Variants in TAFA2 observed in about 807,000 individuals in gnomAD.
TAFA2 encodes TAFA chemokine like family member 2, also known as chemokine-like protein TAFA-2.
A neutral mutation model predicts 18.8 loss-of-function variants in TAFA2; 7 were observed. The ratio of observed to expected loss-of-function variants is 0.37; its 90% CI spans 0.21 to 0.70. TAFA2 has a LOEUF of 0.70. TAFA2 is among the 30% of genes least tolerant of loss of function. TAFA2 has a pLI of 0.53. For synonymous variants in TAFA2, 60 were observed against 54.2 expected (o/e 1.11, Z -0.47); for missense variants, 122 against 158.1 (o/e 0.77, Z 1.23).
intron 2 of TAFA2, among the ~76,000 whole-genome samples, chr12:61,790,360 T>A (rs1401679457): frequency 6.6e-6 from 1 of 151,844 alleles, no homozygotes; most frequent in Non-Finnish European, 1.5e-5. Context: ...CTGGAAGTCC[T>A]AGCCAGAGTA....
intron 1 of TAFA2, among the ~76,000 whole-genome samples, chr12:62,170,070 C>G (rs959048716): frequency 7.9e-5 from 12 of 151,936 alleles, no homozygotes; most frequent in African/African-American, 2.7e-4. Context: ...CCTTAAAAAC[C>G]ATAAATGCTC....
intron 1 of TAFA2, among the ~76,000 whole-genome samples, chr12:61,888,479 G>A (rs1354453397): frequency 6.6e-6 from 1 of 152,120 alleles, no homozygotes; most frequent in Admixed American, 6.5e-5. Flanking sequence ...ACAAAACACT[G>A]AGACCAGAAG....
intron 1 of TAFA2, among the ~76,000 whole-genome samples, chr12:62,125,472 C>A (rs911447085): frequency 1.3e-5 from 2 of 152,088 alleles, no homozygotes; most frequent in African/African-American, 2.4e-5. Context: ...CTCATCTTAC[C>A]GTCGTGAAGA....
At chr12:61,747,532 G>A (rs1868779826) in intron 4 of TAFA2, among the ~76,000 whole-genome samples, 1 of 149,516 alleles carries the variant, frequency 6.7e-6, no homozygotes, top group African/African-American at 2.5e-5. Context: ...ATACTATGCA[G>A]CCATAAAAAA....
chr12:62,094,016 T>C (rs1396948695), intron 1 of TAFA2, among the ~76,000 whole-genome samples: 2 of 152,014 alleles, frequency 1.3e-5, no homozygotes, highest in Admixed American at 1.3e-4. Flanking sequence ...GGGTGGCTAC[T>C]GTGAAGGGTA....
At chr12:62,177,549 C>T (rs374303158) in intron 1 of TAFA2, among the ~76,000 whole-genome samples, 1 of 152,246 alleles carries the variant, frequency 6.6e-6, no homozygotes, top group East Asian at 1.9e-4. Flanking sequence ...ACACTAATGA[C>T]TTCCAAACCT....
chr12:62,178,091 G>A (rs1189303853), intron 1 of TAFA2, among the ~76,000 whole-genome samples: 1 of 152,072 alleles, frequency 6.6e-6, no homozygotes, highest in Admixed American at 6.6e-5. Flanking sequence ...CTTGAGGCCA[G>A]GAGTTCAAAA....
chr12:62,065,607 ATG>A (rs1360991186), intron 1 of TAFA2, among the ~76,000 whole-genome samples: 2 of 152,014 alleles, frequency 1.3e-5, no homozygotes, highest in Non-Finnish European at 2.9e-5. Flanking sequence ...TATTCTTAGC[ATG>A]TGTTCATATC....
intron 2 of TAFA2, among the ~76,000 whole-genome samples, chr12:61,853,457 C>T (rs11174201): frequency 0.092 from 13,826 of 150,012 alleles, 891 homozygotes; most frequent in East Asian, 0.19. Context: ...TTTTTGATGG[C>T]GGATTAAAAA....
intron 2 of TAFA2, among the ~76,000 whole-genome samples, chr12:61,764,589 C>A (rs1266641104): frequency 2.0e-5 from 3 of 151,970 alleles, no homozygotes; most frequent in African/African-American, 7.2e-5. Context: ...ATGAAGAAAT[C>A]AGACTAGATT....
Position 62,141,069 on chromosome 12 carries a change from C to T in TAFA2, c.-2+50190G>A, listed in dbSNP as rs530898467. Among the ~76,000 whole-genome samples, 3 of 152,292 alleles carry T rather than the reference C, an allele frequency of 2.0e-5. No individual in the cohort carries two copies. The South Asian group carries it at 6.2e-4, about 32-fold the overall frequency. On this transcript the variant is annotated intron_variant, in intron 1 of 4. Coordinates refer to ENST00000416284, the MANE Select transcript of TAFA2 (RefSeq NM_178539.5). Reference sequence around the variant, plus strand: ...GTTCTAAGGCAGATTTCTTTATCCTCATTTTACAGTTTTAAAAATAGTCTC... The same window carrying T: ...GTTCTAAGGCAGATTTCTTTATCCTTATTTTACAGTTTTAAAAATAGTCTC...
intron 1 of TAFA2, among the ~76,000 whole-genome samples, chr12:61,910,110 G>T (rs1307346110): frequency 1.4e-5 from 2 of 142,772 alleles, no homozygotes; most frequent in Admixed American, 6.9e-5. Flanking sequence ...TTGTGTGTGT[G>T]TGTGTGTGTG....
At chr12:62,238,858 A>G (rs887388092) in intron 1 of TAFA2, among the ~76,000 whole-genome samples, 1 of 152,338 alleles carries the variant, frequency 6.6e-6, no homozygotes, top group African/African-American at 2.4e-5. Context: ...ATTTATATAT[A>G]TCCTAAATGT....
chr12:62,177,236 T>C (rs1027734927), intron 1 of TAFA2, among the ~76,000 whole-genome samples: 3 of 152,074 alleles, frequency 2.0e-5, no homozygotes, highest in African/African-American at 7.2e-5. Context: ...GAAAGCAAAA[T>C]GGAAATACAG....
At chr12:61,938,230 T>TAAAAAAAAAAAAAAA (rs1157161976) in intron 1 of TAFA2, among the ~76,000 whole-genome samples, 5 of 98,482 alleles carry the variant, frequency 5.1e-5, no homozygotes, top group African/African-American at 1.9e-4. Flanking sequence ...ATAGATATGG[T>TAAAAAAAAAAAAAAA]AAAAAAAAAA....
At chr12:61,961,399 C>T (rs1389185090) in intron 1 of TAFA2, among the ~76,000 whole-genome samples, 1 of 151,920 alleles carries the variant, frequency 6.6e-6, no homozygotes, top group Non-Finnish European at 1.5e-5. Flanking sequence ...TCTTAAAGTT[C>T]CATAGCTGTG....
chr12:61,796,232 C>T (rs1475600888), intron 2 of TAFA2, among the ~76,000 whole-genome samples: 1 of 152,000 alleles, frequency 6.6e-6, no homozygotes, highest in Non-Finnish European at 1.5e-5. Flanking sequence ...ATAGATAGAT[C>T]TACATGCACA....
chr12:61,826,248 CCT>C (rs1872532237), intron 2 of TAFA2, among the ~76,000 whole-genome samples: 1 of 151,864 alleles, frequency 6.6e-6, no homozygotes. Context: ...TAGCACACAA[CCT>C]GACAGTACTA....
intron 2 of TAFA2, among the ~76,000 whole-genome samples, chr12:61,851,800 A>C (rs1404715259): frequency 3.0e-4 from 41 of 135,440 alleles, no homozygotes; most frequent in African/African-American, 1.2e-3. Flanking sequence ...AAAAAAAAAA[A>C]AAAAAAAAAA....
Sources: allele counts gnomAD v4.1 joint callset (sites outside exome capture counted in the v4.1 genomes callset), GRCh38; gene constraint gnomAD v4.1.1; transcripts MANE v1.5; gene names NCBI Gene and HGNC (gene_info 2026-07-23, HGNC 2026-07-21).